KCNG2: variants seen among roughly 807,000 people sequenced by gnomAD.
KCNG2 encodes potassium voltage-gated channel modifier subfamily G member 2.
KCNG2 carries 7 observed loss-of-function variants against 12.3 expected under a neutral mutation model. The ratio of observed to expected loss-of-function variants is 0.57; its 90% CI spans 0.32 to 1.07. KCNG2 has a LOEUF of 1.07. KCNG2 is among the 50% of genes least tolerant of loss of function. The probability of loss-of-function intolerance (pLI) is 0.04; values close to 1 mark genes in which losing one functional copy is unlikely to be tolerated. For missense variants in KCNG2, 703 were observed against 726.0 expected (o/e 0.97, Z 0.36); for synonymous variants, 414 against 351.4 (o/e 1.18, Z -1.99).
intron 1 of KCNG2, among the ~76,000 whole-genome samples, chr18:79,842,711 G>A (rs865817998): frequency 1.6e-4 from 25 of 152,160 alleles, no homozygotes; most frequent in African/African-American, 4.1e-4. Flanking sequence ...GATAAAGCAC[G>A]CATGATTGAA....
In KCNG2 at chr18:79,856,411, C is replaced by T. The variant is rs571043867; in HGVS notation, c.-82C>T. Among the ~76,000 whole-genome samples, 23 of 152,230 alleles carry T rather than the reference C, an allele frequency of 1.5e-4. No homozygotes were observed. Among genetic ancestry groups the T allele is most frequent in the South Asian group, 1.2e-3 (6 of 4,834 alleles). Reference sequence around the variant, plus strand: ...CCGCTGGTCTCAGCTGTGTTTTCACCGGTTCCCTGAAAGAGAATACCCTGT... The same window carrying T: ...CCGCTGGTCTCAGCTGTGTTTTCACTGGTTCCCTGAAAGAGAATACCCTGT... On this transcript the variant is annotated 5_prime_UTR_variant, in exon 2 of 4. Transcript: ENST00000316249.
chr18:79,871,757 G>A (rs545560904), intron 3 of KCNG2, among the ~76,000 whole-genome samples: 1 of 152,234 alleles, frequency 6.6e-6, no homozygotes. Flanking sequence ...TGGCCTGGAC[G>A]TCTGCGGTGC....
intron 1 of KCNG2, among the ~76,000 whole-genome samples, chr18:79,829,467 G>C (rs1978290035): frequency 1.3e-5 from 2 of 152,134 alleles, no homozygotes. Flanking sequence ...CAAGTAGCTG[G>C]TCAGCCTCTG....
intron 1 of KCNG2, among the ~76,000 whole-genome samples, chr18:79,805,391 C>T (rs940180393): frequency 6.6e-6 from 1 of 152,210 alleles, no homozygotes; most frequent in Non-Finnish European, 1.5e-5. Context: ...GCCGCGCACT[C>T]GGGATGAGGC....
chr18:79,845,997 A>G (rs1325130569), intron 1 of KCNG2, among the ~76,000 whole-genome samples: 1 of 151,784 alleles, frequency 6.6e-6, no homozygotes, highest in Admixed American at 6.6e-5. Context: ...AGGCTGAGGC[A>G]GGAGAATGGC....
intron 1 of KCNG2, among the ~76,000 whole-genome samples, chr18:79,841,211 C>T (rs1050794382): frequency 6.6e-6 from 1 of 152,084 alleles, no homozygotes; most frequent in Non-Finnish European, 1.5e-5. Context: ...ATCAAGGTTG[C>T]AATGAGCTGT....
At position 79,827,888 on chromosome 18, in the gene KCNG2, T is replaced by G. The variant is rs139416333; in HGVS notation, c.-114-28491T>G. On this transcript the variant is annotated intron_variant, in intron 1 of 3. Transcript: ENST00000316249. ...GTTTAAACAGAATTAGCAGTTAGAATTATACTGGAACATAATATTCTTTTT... is the reference window on the plus strand; with the variant it reads ...GTTTAAACAGAATTAGCAGTTAGAAGTATACTGGAACATAATATTCTTTTT... 1.7e-3 allele frequency among the ~76,000 whole-genome samples: 261 copies of G among 152,270 alleles called. 2 individuals carry two copies. The highest frequency in any genetic ancestry group is 3.4e-3 in the Middle Eastern group (1 of 294).
chr18:79,824,387 T>G (rs1294580010), intron 1 of KCNG2, among the ~76,000 whole-genome samples: 1 of 152,264 alleles, frequency 6.6e-6, no homozygotes, highest in African/African-American at 2.4e-5. Context: ...CTGAATTTTT[T>G]TATTCAATAA....
At chr18:79,841,145 C>T (rs759508553) in intron 1 of KCNG2, among the ~76,000 whole-genome samples, 5 of 152,000 alleles carry the variant, frequency 3.3e-5, no homozygotes, top group Non-Finnish European at 5.9e-5. Flanking sequence ...GTGGTGCACA[C>T]CTGTAGTCCC....
chr18:79,840,229 C>A (rs1978417722), intron 1 of KCNG2, among the ~76,000 whole-genome samples: 2 of 151,992 alleles, frequency 1.3e-5, no homozygotes, highest in African/African-American at 4.8e-5. Flanking sequence ...AAGAAATCTA[C>A]AAAAAGCCAA....
intron 3 of KCNG2, among the ~76,000 whole-genome samples, chr18:79,883,704 C>T (rs1980407712): frequency 6.6e-6 from 1 of 152,234 alleles, no homozygotes; most frequent in African/African-American, 2.4e-5. Context: ...ACATGTCTGT[C>T]TGGTAAAGGT....
intron 3 of KCNG2, among the ~76,000 whole-genome samples, chr18:79,871,464 G>A (rs1244734142): frequency 2.0e-5 from 3 of 152,186 alleles, no homozygotes; most frequent in Admixed American, 6.5e-5. Flanking sequence ...AGGCAGTGGG[G>A]CTCCTAGGGC....
chr18:79,799,735 G>A (rs750370770), intron 1 of KCNG2, among the ~76,000 whole-genome samples: 6 of 152,246 alleles, frequency 3.9e-5, no homozygotes, highest in Non-Finnish European at 7.3e-5. Flanking sequence ...GCTGCCACAG[G>A]CAGGAGGCTG....
chr18:79,848,560 G>A (rs993732577), intron 1 of KCNG2, among the ~76,000 whole-genome samples: 15 of 152,332 alleles, frequency 9.8e-5, no homozygotes, highest in African/African-American at 3.6e-4. Flanking sequence ...TTAGCCACAC[G>A]CGAAAAGACC....
At chr18:79,869,006 C>T (rs1376970570) in intron 3 of KCNG2, among the ~76,000 whole-genome samples, 2 of 152,208 alleles carry the variant, frequency 1.3e-5, no homozygotes, top group Admixed American at 6.5e-5. Flanking sequence ...AGCCACCACA[C>T]GGGTCGGCTT....
intron 1 of KCNG2, among the ~76,000 whole-genome samples, chr18:79,832,371 C>T (rs1188939260): frequency 6.6e-6 from 1 of 150,856 alleles, no homozygotes; most frequent in Non-Finnish European, 1.5e-5. Context: ...CCATCCTCAC[C>T]TGCACTCACC....
rs544480399 is a variant in KCNG2, at chr18:79,896,152, G to C, written c.625-2888G>C. Reference sequence around the variant, plus strand: ...AGCTAATTTTTGTATTTTTAGTAGAGACAGGGTTTTGCCGTGTTGGCCAGG... The same window carrying C: ...AGCTAATTTTTGTATTTTTAGTAGACACAGGGTTTTGCCGTGTTGGCCAGG... On this transcript the variant is annotated intron_variant, in intron 3 of 3. Transcript: ENST00000316249. Among the ~76,000 whole-genome samples, 2 of 152,246 alleles carry C rather than the reference G, an allele frequency of 1.3e-5. 1 individual carries two copies. The highest frequency in any genetic ancestry group is 1.3e-4 in the Admixed American group (2 of 15,300).
rs980722832 is a variant in KCNG2, at chr18:79,810,250, C to A, written c.-115+12236C>A. On this transcript the variant is annotated intron_variant, in intron 1 of 3. Coordinates refer to ENST00000316249, the MANE Select transcript of KCNG2 (RefSeq NM_012283.2). ...CAAAAAGAGAAACTTGAAAAGGAAG[C>A]CTTGGAAAAGAGAGAAGAGAGGGTG... Among the ~76,000 whole-genome samples, 5 of 151,856 alleles carry A rather than the reference C, an allele frequency of 3.3e-5. No homozygotes were observed. The East Asian group carries it at 9.7e-4, about 29-fold the overall frequency.
At chr18:79,810,714 C>T (rs1374175882) in intron 1 of KCNG2, among the ~76,000 whole-genome samples, 1 of 152,108 alleles carries the variant, frequency 6.6e-6, no homozygotes, top group Admixed American at 6.5e-5. Context: ...CAGTGAGCTA[C>T]AATCACACCA....
Sources: gnomAD v4.1 joint callset for allele counts (sites outside exome capture counted in the v4.1 genomes callset) on GRCh38, gnomAD v4.1.1 for gene constraint, MANE v1.5 for transcripts, NCBI Gene and HGNC (gene_info 2026-07-23, HGNC 2026-07-21) for gene names.